The following SHANK2 variants were observed in gnomAD, a reference collection of about 807,000 sequenced individuals.
SHANK2 encodes SH3 and multiple ankyrin repeat domains 2, also known as SH3 and multiple ankyrin repeat domains protein 2.
SHANK2 carries 43 observed loss-of-function variants against 133.7 expected under a neutral mutation model. That is an observed-to-expected ratio of 0.32 (90% CI 0.25 to 0.41). The LOEUF (loss-of-function observed/expected upper bound fraction) is 0.41. Ranked by LOEUF, SHANK2 falls within the 10% of genes least tolerant of loss-of-function variation. SHANK2 has a pLI of 1.00. For synonymous variants in SHANK2, 1,017 were observed against 952.8 expected (o/e 1.07, Z -1.24); for missense variants, 1,994 against 2,235.8 (o/e 0.89, Z 2.18).
intron 10 of SHANK2, among the ~76,000 whole-genome samples, chr11:70,947,526 T>C (rs1950765592): frequency 6.6e-6 from 1 of 151,974 alleles, no homozygotes; most frequent in African/African-American, 2.4e-5. Flanking sequence ...TGGCTAATCC[T>C]GGGTAATTTT....
chr11:71,093,041 T>C, intron 7 of SHANK2, among the ~76,000 whole-genome samples: 1 of 57,664 alleles, frequency 1.7e-5, no homozygotes. Flanking sequence ...AAGCTCAGTC[T>C]CAAAAATAAA....
At chr11:70,566,860 T>C (rs782451879) in intron 17 of SHANK2, among the ~76,000 whole-genome samples, 7 of 152,228 alleles carry the variant, frequency 4.6e-5, no homozygotes, top group East Asian at 1.9e-4. Context: ...ATCTGAATAA[T>C]TGATTGGAGC....
chr11:70,818,693 G>C (rs1948454798), intron 12 of SHANK2, among the ~76,000 whole-genome samples: 1 of 152,200 alleles, frequency 6.6e-6, no homozygotes, highest in African/African-American at 2.4e-5. Flanking sequence ...GGACCTCCTT[G>C]TTTGGCTCTG....
At chr11:71,115,700 C>T (rs1951965485) in intron 4 of SHANK2, among the ~76,000 whole-genome samples, 1 of 152,030 alleles carries the variant, frequency 6.6e-6, no homozygotes, top group Non-Finnish European at 1.5e-5. Flanking sequence ...GTGGCTGGCT[C>T]GAGGTTGCAC....
chr11:71,116,825 G>A (rs1423820863), intron 4 of SHANK2, among the ~76,000 whole-genome samples: 1 of 152,086 alleles, frequency 6.6e-6, no homozygotes, highest in Non-Finnish European at 1.5e-5. Flanking sequence ...TCACGGGGGA[G>A]CCAGGAACTA....
chr11:70,487,826 A>G lies in SHANK2; in HGVS notation c.2573-106T>C. On this transcript the variant is annotated intron_variant, in intron 24 of 25. Transcript: ENST00000601538. This position sits in a 1 kb window ranked among gnomAD's most constrained non-coding sequence, Gnocchi z 5.8. ...CTCCACAAACTCACAAATTCAGATG[A>G]TGAACCGGATGTTCAGGAAACACAG... The G allele has an allele frequency of 6.5e-7, 1 of 1,544,572 alleles. No homozygotes were observed. The highest frequency in any genetic ancestry group is 8.7e-7 in the Non-Finnish European group (1 of 1,144,488).
At position 71,085,740 on chromosome 11, in the gene SHANK2, T is replaced by C. The variant is rs1226410472; in HGVS notation, c.912+6682A>G. On this transcript the variant is annotated intron_variant, in intron 8 of 25. Transcript: ENST00000601538. ...TTATATTATATAAAATATAATATAT[T>C]ATATAATATATTATGTTATATAATA... 1.1e-3 allele frequency among the ~76,000 whole-genome samples: 86 copies of C among 76,344 alleles called. 1 individual carries two copies. The highest frequency in any genetic ancestry group is 1.8e-3 in the Non-Finnish European group (80 of 44,932). 50.1% of individuals were successfully genotyped at this position (76,344 alleles called of 152,430 possible).
At chr11:70,708,298 C>T (rs1284948960) in intron 14 of SHANK2, among the ~76,000 whole-genome samples, 16 of 152,062 alleles carry the variant, frequency 1.1e-4, no homozygotes, top group Admixed American at 9.2e-4. Flanking sequence ...GATGGACTGC[C>T]CTGGACACTG....
chr11:70,636,767 TGA>T (rs2061104268), intron 17 of SHANK2, among the ~76,000 whole-genome samples: 1 of 145,140 alleles, frequency 6.9e-6, no homozygotes, highest in East Asian at 2.0e-4. Context: ...AGCATGTGTG[TGA>T]GCATCTGTGT....
chr11:71,109,530 G>C (rs1453143711), intron 6 of SHANK2, among the ~76,000 whole-genome samples: 1 of 152,248 alleles, frequency 6.6e-6, no homozygotes, highest in Non-Finnish European at 1.5e-5. Flanking sequence ...GGAATAAGAT[G>C]CATGGGTGCA....
chr11:71,214,713 G>A (rs569601332), intron 2 of SHANK2, among the ~76,000 whole-genome samples: 59 of 152,164 alleles, frequency 3.9e-4, no homozygotes, highest in Non-Finnish European at 6.6e-4. Flanking sequence ...CACATCTGTC[G>A]CGTGCCACCC....
At chr11:71,057,095 G>GTAATCCCAAC (rs1950930347) in intron 9 of SHANK2, among the ~76,000 whole-genome samples, 2 of 152,186 alleles carry the variant, frequency 1.3e-5, no homozygotes, top group Non-Finnish European at 2.9e-5. Context: ...AACACTTTGG[G>GTAATCCCAAC]AGGTCGAGGT....
At chr11:70,708,685 G>A (rs1326687287) in intron 14 of SHANK2, among the ~76,000 whole-genome samples, 30 of 152,324 alleles carry the variant, frequency 2.0e-4, no homozygotes, top group Admixed American at 1.6e-3. Flanking sequence ...TGGATCGTCT[G>A]CCTTGGCTGG....
chr11:70,617,854 G>C (rs2060773196), intron 17 of SHANK2, among the ~76,000 whole-genome samples: 1 of 152,136 alleles, frequency 6.6e-6, no homozygotes, highest in Non-Finnish European at 1.5e-5. Context: ...CGGGGGAGAG[G>C]GGAGGGATAG....
At chr11:70,688,178 A>G (rs1479657268) in intron 15 of SHANK2, among the ~76,000 whole-genome samples, 5 of 152,190 alleles carry the variant, frequency 3.3e-5, no homozygotes, top group South Asian at 2.1e-4. Flanking sequence ...CCCAGCCCCA[A>G]TGCAGAACAG....
At chr11:70,512,051 T>C (rs555571050) in intron 17 of SHANK2, among the ~76,000 whole-genome samples, 2 of 152,328 alleles carry the variant, frequency 1.3e-5, no homozygotes, top group Admixed American at 1.3e-4. Context: ...TACTTGATAT[T>C]TACATTTTCG....
chr11:70,624,127 G>A (rs1554998947), intron 17 of SHANK2, among the ~76,000 whole-genome samples: 1 of 152,154 alleles, frequency 6.6e-6, no homozygotes, highest in African/African-American at 2.4e-5. Context: ...TGGGCCCGGA[G>A]CTTCCTGGGA....
At chr11:70,598,804 T>C (rs1253335622) in intron 17 of SHANK2, among the ~76,000 whole-genome samples, 2 of 152,140 alleles carry the variant, frequency 1.3e-5, no homozygotes, top group African/African-American at 4.8e-5. Context: ...AGAAAAGCCA[T>C]GTAATTTTTG....
rs373272802 is a variant in SHANK2, at chr11:70,946,690, C to A, written c.1108-50123G>T. Among the ~76,000 whole-genome samples, 603 of 148,902 alleles carry A rather than the reference C, an allele frequency of 4.0e-3. 4 individuals carry two copies. The highest frequency in any genetic ancestry group is 0.014 in the African/African-American group (558 of 40,046). On this transcript the variant is annotated intron_variant, in intron 10 of 25. Transcript: ENST00000601538. Reference sequence around the variant, plus strand: ...GTCAACCTCCCTCTCCACTAACCAACCCTTCCCAGACTCACCCTCCCTCTC... The same window carrying A: ...GTCAACCTCCCTCTCCACTAACCAAACCTTCCCAGACTCACCCTCCCTCTC...
Sources: gnomAD v4.1 joint callset for allele counts (sites outside exome capture counted in the v4.1 genomes callset) on GRCh38, gnomAD v4.1.1 for gene constraint, Gnocchi (gnomAD v3.1) non-coding constraint, MANE v1.5 for transcripts, NCBI Gene and HGNC (gene_info 2026-07-23, HGNC 2026-07-21) for gene names.